Variants in RORA observed in about 807,000 individuals in gnomAD.
RORA encodes RAR related orphan receptor A.
RORA carries 7 observed loss-of-function variants against 69.5 expected under a neutral mutation model. The ratio of observed to expected loss-of-function variants is 0.10; its 90% confidence interval spans 0.06 to 0.19. The LOEUF (loss-of-function observed/expected upper bound fraction) is 0.19. Ranked by LOEUF, RORA falls within the 10% of genes least tolerant of loss-of-function variation. The pLI, the probability that RORA is intolerant of heterozygous loss-of-function variation, is 1.00. For synonymous variants in RORA, 261 were observed against 240.8 expected (o/e 1.08, Z -0.78); for missense variants, 457 against 663.0 (o/e 0.69, Z 3.41).
intron 1 of RORA, among the ~76,000 whole-genome samples, chr15:61,216,934 C>T (rs150609148): frequency 5.9e-5 from 9 of 152,308 alleles, no homozygotes; most frequent in South Asian, 4.1e-4. Context: ...TCTCCCAACA[C>T]GTCCAGCTTT....
At chr15:61,112,970 T>C (rs1194697961) in intron 1 of RORA, among the ~76,000 whole-genome samples, 1 of 152,194 alleles carries the variant, frequency 6.6e-6, no homozygotes, top group African/African-American at 2.4e-5. Context: ...CAAGTTCTTT[T>C]GGAATGGTGA....
At chr15:60,575,286 T>C (rs2067993324) in intron 2 of RORA, among the ~76,000 whole-genome samples, 1 of 152,190 alleles carries the variant, frequency 6.6e-6, no homozygotes, top group Non-Finnish European at 1.5e-5. Flanking sequence ...CAAAAGCCAA[T>C]GGCTATAAAG....
chr15:60,745,935 G>C (rs571423136), intron 1 of RORA, among the ~76,000 whole-genome samples: 70 of 152,188 alleles, frequency 4.6e-4, no homozygotes, highest in African/African-American at 1.7e-3. Flanking sequence ...CAGCCAAAAA[G>C]AATGTACACT....
Position 60,531,594 on chromosome 15 carries a change from T to C in RORA, c.282+172A>G. 1.9e-6 allele frequency: 1 copy of C among 537,374 alleles called. No homozygotes were observed. The highest frequency in any genetic ancestry group is 3.5e-5 in the East Asian group (1 of 28,708). 33.3% of individuals were successfully genotyped at this position (537,374 alleles called of 1,614,324 possible). On this transcript the variant is annotated intron_variant, in intron 3 of 10. Coordinates refer to ENST00000335670, the MANE Select transcript of RORA (RefSeq NM_134261.3). The surrounding 1 kb of genome is among the most constrained non-coding windows in gnomAD (Gnocchi z 4.8). ...TATTTTGAAGGAAGGAGTAAAAATA[T>C]ATATAACTTCTTTAATTGTAATTTA...
intron 1 of RORA, among the ~76,000 whole-genome samples, chr15:61,201,651 T>A (rs2140926902): frequency 6.6e-6 from 1 of 152,324 alleles, no homozygotes; most frequent in Admixed American, 6.5e-5. Context: ...CTATTGTTCT[T>A]CAGAAGTTTT....
At chr15:61,023,969 C>T (rs948022805) in intron 1 of RORA, among the ~76,000 whole-genome samples, 1 of 152,060 alleles carries the variant, frequency 6.6e-6, no homozygotes, top group African/African-American at 2.4e-5. Context: ...TTGGCATGTC[C>T]AGTTACTGCC....
intron 1 of RORA, among the ~76,000 whole-genome samples, chr15:60,843,758 G>C (rs1358127472): frequency 6.6e-6 from 1 of 152,168 alleles, no homozygotes; most frequent in Non-Finnish European, 1.5e-5. Flanking sequence ...TGTCTTGCTG[G>C]GGAAGGCAAA....
intron 1 of RORA, among the ~76,000 whole-genome samples, chr15:61,046,512 T>TA (rs1897035181): frequency 6.6e-6 from 1 of 152,144 alleles, no homozygotes; most frequent in South Asian, 2.1e-4. Context: ...TGGAGCAGCT[T>TA]AGAGATCCAC....
At chr15:61,184,977 C>T (rs2079725659) in intron 1 of RORA, among the ~76,000 whole-genome samples, 1 of 113,720 alleles carries the variant, frequency 8.8e-6, no homozygotes, top group Non-Finnish European at 1.8e-5. Flanking sequence ...GGAGCGAGAC[C>T]CTGTCTCTCA....
At chr15:60,810,767 G>A (rs1327668312) in intron 1 of RORA, among the ~76,000 whole-genome samples, 1 of 150,042 alleles carries the variant, frequency 6.7e-6, no homozygotes, top group Admixed American at 6.6e-5. Context: ...CTAACTTGCT[G>A]CTTTCTCTGT....
At chr15:60,592,221 G>C (rs1213500034) in intron 2 of RORA, among the ~76,000 whole-genome samples, 2 of 151,860 alleles carry the variant, frequency 1.3e-5, no homozygotes. Flanking sequence ...GCCGGGCTCA[G>C]GTGGCGCCGC....
chr15:61,016,691 G>A (rs942169015), intron 1 of RORA, among the ~76,000 whole-genome samples: 2 of 152,124 alleles, frequency 1.3e-5, no homozygotes, highest in Admixed American at 6.5e-5. Flanking sequence ...TCTGCCCGGA[G>A]GTTTCGCGAC....
chr15:60,777,949 A>C (rs2072197130), intron 1 of RORA, among the ~76,000 whole-genome samples: 1 of 152,258 alleles, frequency 6.6e-6, no homozygotes, highest in African/African-American at 2.4e-5. Flanking sequence ...GCTCTCTTGC[A>C]TCCTTGAATA....
chr15:60,707,834 T>G (rs7180727), intron 1 of RORA, among the ~76,000 whole-genome samples: 11,539 of 152,262 alleles, frequency 0.076, 490 homozygotes, highest in African/African-American at 0.1. Context: ...TCCTCCAGCC[T>G]GGAATATCAC....
At chr15:60,723,746 G>T (rs1190958956) in intron 1 of RORA, among the ~76,000 whole-genome samples, 1 of 152,076 alleles carries the variant, frequency 6.6e-6, no homozygotes. Flanking sequence ...AACAAATCAA[G>T]AAGTATTTAT....
At chr15:60,569,902 T>G (rs2067829068) in intron 2 of RORA, among the ~76,000 whole-genome samples, 2 of 152,062 alleles carry the variant, frequency 1.3e-5, no homozygotes. Flanking sequence ...GCAGCTAAAG[T>G]GATGCAAATA....
chr15:61,196,710 C>T (rs1186758989), intron 1 of RORA, among the ~76,000 whole-genome samples: 1 of 152,222 alleles, frequency 6.6e-6, no homozygotes, highest in Admixed American at 6.5e-5. Flanking sequence ...AGAGCATCTG[C>T]TTACCTAATA....
At chr15:61,094,786 C>T (rs1387678853) in intron 1 of RORA, among the ~76,000 whole-genome samples, 1 of 152,164 alleles carries the variant, frequency 6.6e-6, no homozygotes, top group Non-Finnish European at 1.5e-5. Flanking sequence ...GCTTGGTGCA[C>T]CCAGCAGACA....
At chr15:61,013,405 T>G (rs1895154570) in intron 1 of RORA, among the ~76,000 whole-genome samples, 1 of 152,236 alleles carries the variant, frequency 6.6e-6, no homozygotes, top group South Asian at 2.1e-4. Flanking sequence ...GTTTGCTGAC[T>G]TCTGCTCCGG....
Sources: gnomAD v4.1 joint callset for allele counts (sites outside exome capture counted in the v4.1 genomes callset) on GRCh38, gnomAD v4.1.1 for gene constraint, Gnocchi (gnomAD v3.1) non-coding constraint, MANE v1.5 for transcripts, NCBI Gene and HGNC (gene_info 2026-07-23, HGNC 2026-07-21) for gene names.